NTRK2: variants seen among roughly 807,000 people sequenced by gnomAD.
The protein encoded by NTRK2 is BDNF/NT-3 growth factors receptor.
NTRK2 carries 13 observed loss-of-function variants against 94.5 expected under a neutral mutation model. The ratio of observed to expected loss-of-function variants is 0.14; its 90% CI spans 0.09 to 0.22. The LOEUF is 0.22. NTRK2 is among the 10% of genes least tolerant of loss of function. The pLI is 1.00. For synonymous variants in NTRK2, 372 were observed against 407.4 expected (o/e 0.91, Z 1.05); for missense variants, 639 against 1,071.2 (o/e 0.60, Z 5.63).
intron 17 of NTRK2, among the ~76,000 whole-genome samples, chr9:84,964,122 A>G (rs1216919359): frequency 2.6e-5 from 4 of 152,176 alleles, no homozygotes; most frequent in African/African-American, 9.7e-5. Flanking sequence ...CATGCTTGGT[A>G]GTTTTAAGTT....
In NTRK2 at chr9:84,934,300, A is replaced by T. The variant is rs2132721460; in HGVS notation, c.1764+8A>T. ...ATCTTGGTGGCAGTGAAGGTAAGAG[A>T]ACATTCCAGAATGTCTCATTAACCA... is the stretch of plus-strand genomic sequence containing the variant. On this transcript the variant is annotated splice_region_variant and intron_variant, in intron 15 of 18. Transcript: ENST00000277120. The T allele has an allele frequency of 6.2e-7, 1 of 1,613,860 alleles. No individual in the cohort carries two copies.
chr9:84,843,118 A>G (rs1457810990), intron 12 of NTRK2, among the ~76,000 whole-genome samples: 1 of 152,186 alleles, frequency 6.6e-6, no homozygotes, highest in Non-Finnish European at 1.5e-5. Flanking sequence ...GTGAGGAGCT[A>G]ATAAAATGCC....
intron 12 of NTRK2, among the ~76,000 whole-genome samples, chr9:84,823,846 C>G (rs1014006703): frequency 1.2e-4 from 18 of 152,202 alleles, no homozygotes; most frequent in African/African-American, 4.1e-4. Flanking sequence ...GCTGGACATT[C>G]TGCTCGTGGC....
chr9:84,727,974 CTT>C lies in NTRK2; in HGVS notation c.1159+18_1159+19del. ...AATTGACGATGGTGAGTAACTGACA[CTT>C]TTGTATGTGGGGAGAAGATAAAGTC... On this transcript the variant is annotated intron_variant, in intron 9 of 18. Transcript: ENST00000277120. 6.2e-7 allele frequency: 1 copy of C among 1,610,652 alleles called. No individual in the cohort carries two copies. Among genetic ancestry groups the C allele is most frequent in the Non-Finnish European group, 8.5e-7 (1 of 1,176,886 alleles).
Position 85,021,548 on chromosome 9 carries a change from C to A in NTRK2, c.*111C>A. 9.6e-7 allele frequency: 1 copy of A among 1,039,336 alleles called. No individual in the cohort carries two copies. Among genetic ancestry groups the A allele is most frequent in the Non-Finnish European group, 1.5e-6 (1 of 662,436 alleles). The allele number at this position is 1,039,336 out of a possible 1,614,324, so 64.4% of individuals were successfully genotyped here. On this transcript the variant is annotated 3_prime_UTR_variant, in exon 19 of 19. Transcript: ENST00000277120. The stretch of plus-strand genomic sequence containing the variant: ...ACCAAGCTGCTCTCCTTCACTCTGA[C>A]AGTATTAACATCAAAGACTCCGAGA...
intron 12 of NTRK2, chr9:84,812,965 T>A: frequency 2.9e-6 from 3 of 1,033,586 alleles, no homozygotes; most frequent in Non-Finnish European, 3.5e-6. Flanking sequence ...TTTTTTTTAA[T>A]CCCTGAAGGG....
intron 17 of NTRK2, among the ~76,000 whole-genome samples, chr9:84,957,872 A>G (rs1270581887): frequency 1.3e-5 from 2 of 152,272 alleles, no homozygotes; most frequent in Non-Finnish European, 2.9e-5. Context: ...TGAATAAACA[A>G]AATGCGGTAA....
chr9:84,674,379 G>C (rs113585488), intron 2 of NTRK2, among the ~76,000 whole-genome samples: 1 of 152,094 alleles, frequency 6.6e-6, no homozygotes, highest in African/African-American at 2.4e-5. Context: ...GCAATTTATT[G>C]TTGGCCTGGT....
chr9:84,872,487 C>A, intron 14 of NTRK2: 1 of 1,068,582 alleles, frequency 9.4e-7, no homozygotes. Context: ...AGGCCTAAAT[C>A]AACTTAAAAT....
intron 4 of NTRK2, 133 bp from the exon 5 acceptor site, chr9:84,707,711 A>C: frequency 1.5e-6 from 1 of 674,400 alleles, no homozygotes; most frequent in Non-Finnish European, 2.5e-6. Context: ...AAAGAGAGAG[A>C]GATCTGGATG....
intron 17 of NTRK2, among the ~76,000 whole-genome samples, chr9:84,982,856 G>A (rs1041983839): frequency 6.6e-6 from 1 of 152,106 alleles, no homozygotes; most frequent in Non-Finnish European, 1.5e-5. Flanking sequence ...ACAAAGACGA[G>A]TAGACAAAAT....
rs201971507 is a variant in NTRK2 at position 84,877,867 on chromosome 9, G to A, written c.1633+10436G>A. The A allele has an allele frequency of 9.5e-5, 98 of 1,032,646 alleles. No homozygotes were observed. The East Asian group carries it at 2.7e-3, about 29-fold the overall frequency. The allele number at this position is 1,032,646 out of a possible 1,614,324, so 64.0% of individuals were successfully genotyped here. A position where few individuals can be genotyped will look rare whatever the true frequency, so the allele number is the denominator to read the frequency against. Reference sequence around the variant, plus strand: ...TGTAGTTGATCATTCAGAGCCAAACGCATATACCAATAAAGACAAGACTGT... The same window carrying A: ...TGTAGTTGATCATTCAGAGCCAAACACATATACCAATAAAGACAAGACTGT... On this transcript the variant is annotated intron_variant, in intron 14 of 18. Coordinates refer to ENST00000277120, the MANE Select transcript of NTRK2 (RefSeq NM_006180.6).
intron 12 of NTRK2, among the ~76,000 whole-genome samples, chr9:84,820,770 C>A (rs185140058): frequency 6.6e-6 from 1 of 152,188 alleles, no homozygotes; most frequent in African/African-American, 2.4e-5. Flanking sequence ...GGAGGTACCT[C>A]CACAAACCAA....
In NTRK2 at chr9:85,026,708, G is replaced by A. The variant is rs150331630; in HGVS notation, c.*5271G>A. ...AGAGATGTTTGTATATATCCAGGCC[G>A]TATACACACACATTTCCATATCTCT... On this transcript the variant is annotated 3_prime_UTR_variant, in exon 19 of 19. Transcript: ENST00000277120. The A allele has an allele frequency of 1.5e-4, 35 of 232,866 alleles. No homozygotes were observed. Among genetic ancestry groups the A allele is most frequent in the East Asian group, 6.7e-4 (11 of 16,494 alleles). The allele number at this position is 232,866 out of a possible 1,614,324, so 14.4% of individuals were successfully genotyped here.
intron 14 of NTRK2, among the ~76,000 whole-genome samples, chr9:84,899,204 T>C (rs897552443): frequency 6.3e-4 from 96 of 152,236 alleles, no homozygotes; most frequent in African/African-American, 1.9e-3. Flanking sequence ...AATATGTGTT[T>C]ATTTAAAGAC....
At chr9:84,772,221 T>A (rs1045689781) in intron 12 of NTRK2, among the ~76,000 whole-genome samples, 1 of 152,194 alleles carries the variant, frequency 6.6e-6, no homozygotes, top group South Asian at 2.1e-4. Flanking sequence ...TTGTTAACAG[T>A]GGACATGCAT....
chr9:84,761,058 G>A (rs553348625), intron 12 of NTRK2, among the ~76,000 whole-genome samples: 92 of 152,298 alleles, frequency 6.0e-4, no homozygotes, highest in African/African-American at 2.2e-3. Flanking sequence ...AGTGGTGGAA[G>A]ACCTTTGTTT....
chr9:84,979,349 G>A (rs1827294990), intron 17 of NTRK2, among the ~76,000 whole-genome samples: 1 of 152,204 alleles, frequency 6.6e-6, no homozygotes, highest in Non-Finnish European at 1.5e-5. Context: ...TGACTTTGAG[G>A]GAGGGATTCA....
At position 84,871,113 on chromosome 9, in the gene NTRK2, G is replaced by A. The variant is rs150997608; in HGVS notation, c.1633+3682G>A. ...TGCTCTCAAGGAGTCTCACTGGCAA[G>A]GCCAATGGTTAGATCATCATATAAT... On this transcript the variant is annotated intron_variant, in intron 14 of 18. Coordinates refer to ENST00000277120, the MANE Select transcript of NTRK2 (RefSeq NM_006180.6). 3.5e-3 allele frequency among the ~76,000 whole-genome samples: 534 copies of A among 152,244 alleles called. 2 individuals are homozygous for A. Among genetic ancestry groups the A allele is most frequent in the Admixed American group, 5.6e-3 (85 of 15,294 alleles).
Sources: gnomAD v4.1 joint callset for allele counts (sites outside exome capture counted in the v4.1 genomes callset) on GRCh38, gnomAD v4.1.1 for gene constraint, MANE v1.5 for transcripts, NCBI Gene and HGNC (gene_info 2026-07-23, HGNC 2026-07-21) for gene names.